The following DONSON variants were observed in gnomAD, a reference collection of about 807,000 sequenced individuals.
DONSON encodes the protein DNA replication fork stabilization factor DONSON.
DONSON carries 43 observed loss-of-function variants against 62.1 expected under a neutral mutation model. The ratio of observed to expected loss-of-function variants is 0.69; its 90% CI spans 0.54 to 0.89. The LOEUF (loss-of-function observed/expected upper bound fraction) is 0.89, where lower values mean the gene tolerates loss of function less well. Ranked by LOEUF, DONSON falls within the 40% of genes least tolerant of loss-of-function variation. The pLI, the probability that DONSON is intolerant of heterozygous loss-of-function variation, is 0.00. For synonymous variants in DONSON, 266 were observed against 264.6 expected (o/e 1.01, Z -0.05); for missense variants, 696 against 697.5 (o/e 1.00, Z 0.03).
Position 33,582,167 on chromosome 21 carries a change from C to G in DONSON, c.1044G>C (p.Gly348=), listed in dbSNP as rs1280374185. Residue 348 remains glycine, a splice_region_variant and synonymous_variant, in exon 6 of 10, where the codon GGG becomes GGC. Coordinates refer to ENST00000303071, the MANE Select transcript of DONSON (RefSeq NM_017613.4). ...ATAAAGTTATTTTAATCACATACTC[C>G]CCATATCCCAAGCTTGTTCCAGATG... ...ETASGTSLGY[G]EEQAISDEDE... 6 of 1,613,868 alleles carry G rather than the reference C, an allele frequency of 3.7e-6. No homozygotes were observed. The South Asian group carries it at 6.6e-5, about 18-fold the overall frequency.
At chr21:33,585,501 T>C (rs551039905) in intron 3 of DONSON, among the ~76,000 whole-genome samples, 1 of 151,406 alleles carries the variant, frequency 6.6e-6, no homozygotes, top group Non-Finnish European at 1.5e-5. Flanking sequence ...GCATGGGCTA[T>C]TGTGCCCAGC....
chr21:33,587,345 T>C (rs895225422), intron 2 of DONSON, 177 bp downstream of exon 2: 1 of 985,222 alleles, frequency 1.0e-6, no homozygotes, highest in Non-Finnish European at 1.2e-6. Context: ...CCAACTCCTT[T>C]ACCTTGGCTG....
chr21:33,588,305 G>C lies in DONSON; in HGVS notation c.321+16C>G. The stretch of plus-strand genomic sequence containing the variant: ...AAGACAAGAGCCCCTTGGCGGCCAG[G>C]CTACAAGACACTCACCGGGACCGGG... On this transcript the variant is annotated intron_variant, in intron 1 of 9. Coordinates refer to ENST00000303071, the MANE Select transcript of DONSON (RefSeq NM_017613.4). 1 of 1,263,170 alleles carries C rather than the reference G, an allele frequency of 7.9e-7. No homozygotes were observed. Among genetic ancestry groups the C allele is most frequent in the East Asian group, 3.0e-5 (1 of 33,180 alleles). The allele number at this position is 1,263,170 out of a possible 1,614,324, so 78.2% of individuals were successfully genotyped here.
intron 4 of DONSON, among the ~76,000 whole-genome samples, chr21:33,584,326 G>A (rs1373580025): frequency 6.6e-6 from 1 of 151,282 alleles, no homozygotes; most frequent in African/African-American, 2.4e-5. Flanking sequence ...GATTACAGGC[G>A]TGAGCCACCA....
chr21:33,581,748 A>G (rs541254782), intron 7 of DONSON, among the ~76,000 whole-genome samples: 1 of 152,356 alleles, frequency 6.6e-6, no homozygotes, highest in South Asian at 2.1e-4. Flanking sequence ...CACAATCATA[A>G]TTGAACGTTT....
chr21:33,586,192 C>T lies in DONSON; in HGVS notation c.403-11G>A, dbSNP rs376262017. 2.5e-5 allele frequency: 41 copies of T among 1,611,078 alleles called. No individual in the cohort carries two copies. Among genetic ancestry groups the T allele is most frequent in the Non-Finnish European group, 3.1e-5 (37 of 1,177,846 alleles). ...TGATACATGTGAAGTCTTTAGAAAA[C>T]AAAGAATGCAAAAATTAGTCGAGTA... On this transcript the variant is annotated splice_polypyrimidine_tract_variant and intron_variant, in intron 2 of 9. Transcript: ENST00000303071.
chr21:33,584,218 T>C (rs2086552554), intron 4 of DONSON, among the ~76,000 whole-genome samples: 1 of 151,412 alleles, frequency 6.6e-6, no homozygotes, highest in African/African-American at 2.4e-5. Flanking sequence ...CTAATTTTTT[T>C]TGTATTTTTA....
chr21:33,581,850 G>A lies in DONSON; in HGVS notation c.1151+101C>T, dbSNP rs2834239. The A allele has an allele frequency of 0.11, 112,603 of 1,044,416 alleles. 6,992 individuals are homozygous for A. Among genetic ancestry groups the A allele is most frequent in the East Asian group, 0.23 (9,275 of 39,754 alleles). The allele number at this position is 1,044,416 out of a possible 1,614,324, so 64.7% of individuals were successfully genotyped here. On this transcript the variant is annotated intron_variant, in intron 7 of 9. Coordinates refer to ENST00000303071, the MANE Select transcript of DONSON (RefSeq NM_017613.4). ...AGAATTAGTTTTAATATGACCTGAA[G>A]ATAATTTAAGATTATAATCATATAA...
intron 2 of DONSON, among the ~76,000 whole-genome samples, chr21:33,586,934 C>G (rs1442899747): frequency 6.6e-6 from 1 of 152,180 alleles, no homozygotes; most frequent in Middle Eastern, 3.2e-3. Flanking sequence ...GCCACTGTGC[C>G]CGGCCAAGCA....
At chr21:33,585,387 A>ATTTT (rs773327167) in intron 3 of DONSON, among the ~76,000 whole-genome samples, 51 of 109,796 alleles carry the variant, frequency 4.6e-4, no homozygotes, top group East Asian at 5.2e-4. Flanking sequence ...TGCTCAGCTA[A>ATTTT]TTTTTTTTTT....
intron 8 of DONSON, among the ~76,000 whole-genome samples, chr21:33,581,014 G>A (rs1157144554): frequency 1.3e-5 from 2 of 152,164 alleles, no homozygotes; most frequent in Non-Finnish European, 2.9e-5. Context: ...GGGAGGCAGG[G>A]GTTGCAGTGA....
At chr21:33,579,752 C>A in intron 8 of DONSON, 190 bp from the exon 9 acceptor site, 1 of 522,016 alleles carries the variant, frequency 1.9e-6, no homozygotes, top group South Asian at 3.5e-5. Flanking sequence ...GCAACCTTTC[C>A]ATATTAAGAG....
rs764852965 is a variant in DONSON, at chr21:33,582,273, A to G, written c.965-27T>C. 4 of 1,559,990 alleles carry G rather than the reference A, an allele frequency of 2.6e-6. No homozygotes were observed. The South Asian group carries it at 3.4e-5, about 13-fold the overall frequency. On this transcript the variant is annotated intron_variant, in intron 5 of 9. Transcript: ENST00000303071. ...TATATGAGGAACAAAAATGTAACTGAGTTGTCATTTAAAGTATTTAACAGG... is the reference window on the plus strand; with the variant it reads ...TATATGAGGAACAAAAATGTAACTGGGTTGTCATTTAAAGTATTTAACAGG...
intron 8 of DONSON, among the ~76,000 whole-genome samples, chr21:33,580,620 T>C (rs2086497031): frequency 1.3e-5 from 2 of 149,800 alleles, no homozygotes; most frequent in Admixed American, 6.6e-5. Context: ...CAAGACCCTG[T>C]CTCCCCAACC....
At chr21:33,579,703 A>C in intron 8 of DONSON, 141 bp from the exon 9 acceptor site, 1 of 652,846 alleles carries the variant, frequency 1.5e-6, no homozygotes, top group Non-Finnish European at 2.6e-6. Context: ...AAGACATCTA[A>C]ACAATGTTAT....
intron 9 of DONSON, among the ~76,000 whole-genome samples, chr21:33,578,848 GGACT>G (rs1446023952): frequency 1.3e-5 from 2 of 152,168 alleles, no homozygotes; most frequent in African/African-American, 4.8e-5. Context: ...AAAACTATTT[GGACT>G]GAGGCCGGGT....
chr21:33,578,575 G>A, intron 9 of DONSON, 131 bp from the exon 10 acceptor site: 2 of 1,049,456 alleles, frequency 1.9e-6, no homozygotes, highest in Non-Finnish European at 2.6e-6. Flanking sequence ...AGAAGTTGAT[G>A]CTAAGAATTT....
chr21:33,579,014 T>C (rs1015464165), intron 9 of DONSON, among the ~76,000 whole-genome samples: 2 of 152,014 alleles, frequency 1.3e-5, no homozygotes, highest in African/African-American at 4.8e-5. Flanking sequence ...GGCACATGCC[T>C]GTAATCTCAG....
rs2086436357 is a variant in DONSON, at chr21:33,577,629, AC to A, written c.*677del. 2 of 23,140 alleles carry A rather than the reference AC, an allele frequency of 8.6e-5. No homozygotes were observed. Among genetic ancestry groups the A allele is most frequent in the Non-Finnish European group, 1.8e-4 (2 of 10,848 alleles). The allele number at this position is 23,140 out of a possible 1,614,324, so 1.4% of individuals were successfully genotyped here. ...TACACACACACACACACACACACAC[AC>A]ACACACACACACACACACACACACA... On this transcript the variant is annotated 3_prime_UTR_variant, in exon 10 of 10. Coordinates refer to ENST00000303071, the MANE Select transcript of DONSON (RefSeq NM_017613.4).
Sources: allele counts gnomAD v4.1 joint callset (sites outside exome capture counted in the v4.1 genomes callset), GRCh38; gene constraint gnomAD v4.1.1; transcripts MANE v1.5; gene names NCBI Gene and HGNC (gene_info 2026-07-23, HGNC 2026-07-21).